The following FBXO25 variants were observed in gnomAD, a reference collection of about 807,000 sequenced individuals.
FBXO25 encodes the protein F-box protein 25.
Under a neutral mutation model 51.9 loss-of-function variants are expected in FBXO25, and 45 were observed. The ratio of observed to expected loss-of-function variants is 0.87; its 90% CI spans 0.68 to 1.11. FBXO25 has a LOEUF of 1.11. FBXO25 is among the 50% of genes most tolerant of loss of function. The probability of loss-of-function intolerance (pLI) is 0.00; values close to 1 mark genes in which losing one functional copy is unlikely to be tolerated. For synonymous variants in FBXO25, 199 were observed against 151.0 expected, an observed-to-expected ratio of 1.32 and a Z score of -2.33; for missense variants, 507 against 428.5, an observed-to-expected ratio of 1.18 and a Z score of -1.62.
chr8:462,180 A>C (rs557304895), intron 8 of FBXO25, among the ~76,000 whole-genome samples: 1 of 152,268 alleles, frequency 6.6e-6, no homozygotes, highest in African/African-American at 2.4e-5. Flanking sequence ...TTTTTGATTA[A>C]AGCCATTCTA....
chr8:407,732 G>C (rs1472494957), intron 1 of FBXO25, among the ~76,000 whole-genome samples: 1 of 151,928 alleles, frequency 6.6e-6, no homozygotes, highest in African/African-American at 2.4e-5. Context: ...CCCGTCTGCT[G>C]CTTACCTTTT....
intron 2 of FBXO25, among the ~76,000 whole-genome samples, chr8:418,561 A>G (rs559330993): frequency 1.3e-5 from 2 of 151,734 alleles, no homozygotes; most frequent in African/African-American, 4.8e-5. Flanking sequence ...AATGGTCTTG[A>G]TCTCTTGACC....
chr8:456,669 A>G (rs73669392), intron 7 of FBXO25, among the ~76,000 whole-genome samples: 3,525 of 152,228 alleles, frequency 0.023, 124 homozygotes, highest in African/African-American at 0.081. Flanking sequence ...CATGTCCAGA[A>G]TGTTAGAGCA....
chr8:411,842 G>T (rs73669372), intron 1 of FBXO25, among the ~76,000 whole-genome samples: 7 of 152,124 alleles, frequency 4.6e-5, no homozygotes, highest in Non-Finnish European at 8.8e-5. Flanking sequence ...GTGAGCATCT[G>T]AGGTGGTTTT....
intron 7 of FBXO25, among the ~76,000 whole-genome samples, chr8:457,077 T>C (rs1051205388): frequency 6.6e-6 from 1 of 152,228 alleles, no homozygotes; most frequent in Non-Finnish European, 1.5e-5. Flanking sequence ...CTAGCTCTCC[T>C]TGTGGCCAAG....
intron 2 of FBXO25, among the ~76,000 whole-genome samples, chr8:422,082 C>T (rs1585017572): frequency 6.6e-6 from 1 of 152,134 alleles, no homozygotes; most frequent in East Asian, 1.9e-4. Flanking sequence ...AAGCACAGTC[C>T]CTTGACAGAT....
intron 7 of FBXO25, among the ~76,000 whole-genome samples, chr8:457,243 A>T (rs1799501685): frequency 6.6e-6 from 1 of 152,196 alleles, no homozygotes; most frequent in African/African-American, 2.4e-5. Context: ...CACTGTCAGG[A>T]AGACGTGTTT....
At chr8:462,859 A>G (rs1158604950) in intron 8 of FBXO25, 148 bp from the exon 9 acceptor site, 2 of 874,056 alleles carry the variant, frequency 2.3e-6, no homozygotes, top group Non-Finnish European at 3.4e-6. Flanking sequence ...CAATTCATCC[A>G]TGTAACCAAA....
chr8:462,488 C>T (rs1799877702), intron 8 of FBXO25, among the ~76,000 whole-genome samples: 1 of 152,122 alleles, frequency 6.6e-6, no homozygotes, highest in Non-Finnish European at 1.5e-5. Context: ...GCTTGGTATT[C>T]CATTATACAG....
intron 8 of FBXO25, among the ~76,000 whole-genome samples, chr8:460,112 C>T (rs958983582): frequency 6.6e-6 from 1 of 152,026 alleles, no homozygotes; most frequent in African/African-American, 2.4e-5. Context: ...TGGGATGAGC[C>T]CTCTGCCTCC....
chr8:447,675 AG>A (rs1798826419), intron 5 of FBXO25, among the ~76,000 whole-genome samples: 1 of 152,360 alleles, frequency 6.6e-6, no homozygotes, highest in South Asian at 2.1e-4. Flanking sequence ...CTGGGATACA[AG>A]CCTAAACATG....
chr8:420,933 G>T (rs1428373637), intron 2 of FBXO25, among the ~76,000 whole-genome samples: 3 of 152,184 alleles, frequency 2.0e-5, no homozygotes, highest in Admixed American at 2.0e-4. Flanking sequence ...TGTGTTATTG[G>T]GGGGAGTGCC....
intron 9 of FBXO25, chr8:468,305 A>G (rs1800323372): frequency 9.9e-7 from 1 of 1,013,184 alleles, no homozygotes; most frequent in Non-Finnish European, 1.2e-6. Context: ...GGTGGAGGGA[A>G]CCCTGTGTAA....
Position 450,171 on chromosome 8 carries a change from G to A in FBXO25, c.475+88G>A, listed in dbSNP as rs1798991740. 3 of 821,534 alleles carry A rather than the reference G, an allele frequency of 3.7e-6. No individual in the cohort carries two copies. The Admixed American group carries it at 7.9e-5, about 22-fold the overall frequency. 50.9% of individuals were successfully genotyped at this position (821,534 alleles called of 1,614,324 possible). A position where few individuals can be genotyped will look rare whatever the true frequency, so the allele number is the denominator to read the frequency against. On this transcript the variant is annotated intron_variant, in intron 6 of 9. Transcript: ENST00000350302. Reference sequence around the variant, plus strand: ...GGGATTTTTCTTTTATCTTTACCCAGTACACATACTGTCAAAAACAATTGT... The same window carrying A: ...GGGATTTTTCTTTTATCTTTACCCAATACACATACTGTCAAAAACAATTGT...
At chr8:449,067 A>T (rs1203957218) in intron 5 of FBXO25, among the ~76,000 whole-genome samples, 1 of 148,596 alleles carries the variant, frequency 6.7e-6, no homozygotes, top group Non-Finnish European at 1.5e-5. Context: ...TTATACACAT[A>T]ACCTGAAGGC....
intron 2 of FBXO25, among the ~76,000 whole-genome samples, chr8:414,448 T>G (rs527432105): frequency 6.6e-6 from 1 of 152,192 alleles, no homozygotes. Context: ...GATGGGGAGA[T>G]ATATTACAGA....
At position 450,412 on chromosome 8, in the gene FBXO25, C is replaced by G. The variant is rs569826228; in HGVS notation, c.475+329C>G. ...GCTTCCAAAATTAGCAGGATTGTGA[C>G]TTACTCACTTAGGCATCAGATAAGC... On this transcript the variant is annotated intron_variant, in intron 6 of 9. Coordinates refer to ENST00000350302, the MANE Select transcript of FBXO25 (RefSeq NM_183420.2). Among the ~76,000 whole-genome samples, 45 of 152,296 alleles carry G rather than the reference C, an allele frequency of 3.0e-4. No individual in the cohort carries two copies. In the South Asian group the frequency reaches 8.1e-3, roughly 27 times the overall value.
rs919467253 is a variant in FBXO25, at chr8:477,914, G to C, written c.*9110G>C. ...TGGCCTGTATTTCACTTGCCAACCT[G>C]ATTTATACTTTTGTATCTATTTGAC... is the stretch of plus-strand genomic sequence containing the variant. On this transcript the variant is annotated 3_prime_UTR_variant, in exon 10 of 10. Coordinates refer to ENST00000350302, the MANE Select transcript of FBXO25 (RefSeq NM_183420.2). 6.6e-6 allele frequency: 1 copy of C among 152,152 alleles called. No individual in the cohort carries two copies. Among genetic ancestry groups the C allele is most frequent in the East Asian group, 1.9e-4 (1 of 5,184 alleles). The allele number at this position is 152,152 out of a possible 1,614,324, so 9.4% of individuals were successfully genotyped here.
Position 474,598 on chromosome 8 carries a change from G to A in FBXO25, c.*5794G>A. 2 of 393,880 alleles carry A rather than the reference G, an allele frequency of 5.1e-6. No homozygotes were observed. Among genetic ancestry groups the A allele is most frequent in the South Asian group, 2.0e-5 (1 of 51,274 alleles). 24.4% of individuals were successfully genotyped at this position (393,880 alleles called of 1,614,324 possible). ...AATGAGTGTGAAGTGGTATCCTGCT[G>A]AGATTTTGATTTGCATTTCCGTAAT... On this transcript the variant is annotated 3_prime_UTR_variant, in exon 10 of 10. Coordinates refer to ENST00000350302, the MANE Select transcript of FBXO25 (RefSeq NM_183420.2).
Sources: gnomAD v4.1 joint callset for allele counts (sites outside exome capture counted in the v4.1 genomes callset) on GRCh38, gnomAD v4.1.1 for gene constraint, MANE v1.5 for transcripts, NCBI Gene and HGNC (gene_info 2026-07-23, HGNC 2026-07-21) for gene names.